Variants in ABL1 observed in about 807,000 individuals in gnomAD.
The protein encoded by ABL1 is ABL proto-oncogene 1, non-receptor tyrosine kinase.
Under a neutral mutation model 94.7 loss-of-function variants are expected in ABL1, and 11 were observed. The ratio of observed to expected loss-of-function variants is 0.12; its 90% CI spans 0.07 to 0.19. The LOEUF (loss-of-function observed/expected upper bound fraction) is 0.19, where lower values mean the gene tolerates loss of function less well. ABL1 is among the 10% of genes least tolerant of loss of function. ABL1 has a pLI of 1.00. For synonymous variants in ABL1, 656 were observed against 622.4 expected, an observed-to-expected ratio of 1.05 and a Z score of -0.80; for missense variants, 1,082 against 1,489.4, an observed-to-expected ratio of 0.73 and a Z score of 4.50.
chr9:130,843,873 A>C (rs2132933963), intron 1 of ABL1, among the ~76,000 whole-genome samples: 1 of 152,262 alleles, frequency 6.6e-6, no homozygotes, highest in East Asian at 1.9e-4. Context: ...TCCCAGTCTC[A>C]ACCCTGAAGA....
In ABL1 at chr9:130,760,467, G is replaced by C. The variant is rs112767044; in HGVS notation, c.136+46012G>C. Among the ~76,000 whole-genome samples, 5 of 152,186 alleles carry C rather than the reference G, an allele frequency of 3.3e-5. 1 individual carries two copies. Among genetic ancestry groups the C allele is most frequent in the African/African-American group, 1.2e-4 (5 of 41,494 alleles). On this transcript the variant is annotated intron_variant, in intron 1 of 10. Transcript: ENST00000372348. ...CCTTCCAAGTCTTACAGATGTCAAG[G>C]GTTTTTGAAAGTAGGATGTATTCTG...
At chr9:130,836,918 A>T (rs912813632) in intron 1 of ABL1, among the ~76,000 whole-genome samples, 2 of 151,700 alleles carry the variant, frequency 1.3e-5, no homozygotes, top group Admixed American at 6.6e-5. Context: ...TTTTCTTTTT[A>T]AAAAAGCAGG....
At chr9:130,855,294 T>C (rs1830956175) in intron 3 of ABL1, among the ~76,000 whole-genome samples, 198 bp downstream of exon 3, 1 of 152,228 alleles carries the variant, frequency 6.6e-6, no homozygotes, top group African/African-American at 2.4e-5. Context: ...TTCCTGGGAC[T>C]GGTATGATTC....
intron 1 of ABL1, among the ~76,000 whole-genome samples, chr9:130,765,001 T>A (rs35204214): frequency 0.02 from 3,113 of 151,966 alleles, 111 homozygotes; most frequent in African/African-American, 0.072. Flanking sequence ...GAATTTGTAG[T>A]GTGCTGATTA....
chr9:130,796,942 G>T (rs1453492620), intron 1 of ABL1, among the ~76,000 whole-genome samples: 2 of 113,814 alleles, frequency 1.8e-5, no homozygotes, highest in African/African-American at 4.2e-5. Flanking sequence ...AAAAAAAAAA[G>T]GCACTTTTTT....
rs757245158 is a variant in ABL1 at position 130,855,066 on chromosome 9, T to C, written c.519T>C (p.His173=). ...ISLRYEGRVY[H]YRINTASDGK... ...TGAGATACGAAGGGAGGGTGTACCA[T>C]TACAGGATCAACACTGCTTCTGATG... is the stretch of plus-strand genomic sequence containing the variant. Residue 173 remains histidine (H), a synonymous_variant, in exon 3 of 11, where the codon CAT becomes CAC. Transcript: ENST00000318560. The C allele has an allele frequency of 1.2e-6, 2 of 1,614,104 alleles. No individual in the cohort carries two copies. Among genetic ancestry groups the C allele is most frequent in the Non-Finnish European group, 1.7e-6 (2 of 1,180,024 alleles).
chr9:130,717,469 C>T (rs1264344602), intron 1 of ABL1, among the ~76,000 whole-genome samples: 6 of 151,446 alleles, frequency 4.0e-5, no homozygotes, highest in Admixed American at 6.6e-5. Context: ...TTTGGGAGGC[C>T]GAGGCAGGTG....
At chr9:130,846,077 ATGTC>A (rs1454287586) in intron 1 of ABL1, among the ~76,000 whole-genome samples, 1 of 124,714 alleles carries the variant, frequency 8.0e-6, no homozygotes, top group Non-Finnish European at 1.7e-5. Flanking sequence ...AGTTAAACGT[ATGTC>A]TGTGTGTGTG....
At chr9:130,851,299 T>A (rs1830858805) in intron 1 of ABL1, among the ~76,000 whole-genome samples, 1 of 152,204 alleles carries the variant, frequency 6.6e-6, no homozygotes, top group Non-Finnish European at 1.5e-5. Context: ...ATGTCAGTAT[T>A]GCAAGATCCT....
intron 1 of ABL1, among the ~76,000 whole-genome samples, chr9:130,791,007 T>C (rs1829902064): frequency 6.6e-6 from 1 of 151,972 alleles, no homozygotes; most frequent in African/African-American, 2.4e-5. Flanking sequence ...GTTCTAAGGG[T>C]GGTAATGAGA....
chr9:130,758,797 A>G lies in ABL1; in HGVS notation c.136+44342A>G, dbSNP rs868312445. On this transcript the variant is annotated intron_variant, in intron 1 of 10. Coordinates refer to the ABL1 transcript ENST00000372348. ...GCAGTTGGGTGTTGTCATGGAGAAG[A>G]ATTGGGCCCTTCCTGTTGACCAGTG... 2.6e-5 allele frequency among the ~76,000 whole-genome samples: 4 copies of G among 152,230 alleles called. No homozygotes were observed. In the South Asian group the frequency reaches 8.3e-4, roughly 32 times the overall value.
At chr9:130,823,550 C>T (rs1022224611) in intron 1 of ABL1, among the ~76,000 whole-genome samples, 2 of 152,266 alleles carry the variant, frequency 1.3e-5, no homozygotes, top group African/African-American at 4.8e-5. Flanking sequence ...CACCTCCTGT[C>T]CCTTACTCTG....
intron 1 of ABL1, among the ~76,000 whole-genome samples, chr9:130,757,475 C>T (rs530829183): frequency 2.2e-4 from 34 of 151,622 alleles, no homozygotes; most frequent in African/African-American, 8.0e-4. Context: ...GGTGGGAGGA[C>T]CGCTTGGGCC....
At chr9:130,776,904 T>C (rs1020509757) in intron 1 of ABL1, among the ~76,000 whole-genome samples, 1 of 152,196 alleles carries the variant, frequency 6.6e-6, no homozygotes. Context: ...TTTACTCTTA[T>C]TAATTTAATG....
At chr9:130,772,085 G>T (rs1832260293) in intron 1 of ABL1, among the ~76,000 whole-genome samples, 1 of 152,052 alleles carries the variant, frequency 6.6e-6, no homozygotes, top group Non-Finnish European at 1.5e-5. Context: ...ATGCTTCCTG[G>T]TAACTGCCTT....
chr9:130,773,460 T>A (rs1832276826), intron 1 of ABL1, among the ~76,000 whole-genome samples: 2 of 152,176 alleles, frequency 1.3e-5, no homozygotes, highest in East Asian at 3.9e-4. Flanking sequence ...ATGTTTTGTT[T>A]TTGTTGCTAT....
At position 130,863,390 on chromosome 9, in the gene ABL1, A is replaced by T. The variant is rs1160284622; in HGVS notation, c.822+355A>T. On this transcript the variant is annotated intron_variant, in intron 4 of 10. Coordinates refer to ENST00000318560, the MANE Select transcript of ABL1 (RefSeq NM_005157.6). This position sits in a 1 kb window ranked among gnomAD's most constrained non-coding sequence, Gnocchi z 4.3. ...GATCACTTCCTACCGAGAGTTAAGG[A>T]GGAAAAAAAGATCTCTGAGTTTTGA... Among the ~76,000 whole-genome samples, 8 of 152,054 alleles carry T rather than the reference A, an allele frequency of 5.3e-5. No individual in the cohort carries two copies. The South Asian group carries it at 1.5e-3, about 28-fold the overall frequency.
chr9:130,831,479 T>G (rs1588256866), upstream of ABL1, among the ~76,000 whole-genome samples: 1 of 152,376 alleles, frequency 6.6e-6, no homozygotes, highest in East Asian at 1.9e-4. Context: ...TAACTTGTTC[T>G]AGAACTATGC....
rs1192565382 is a variant in ABL1 at position 130,884,389 on chromosome 9, C to T, written c.2099C>T (p.Thr700Ile). Residue 700 changes from threonine to isoleucine, a missense_variant, in exon 11 of 11, where the codon ACC (threonine) becomes ATC (isoleucine). Thr to Ile is a moderately conservative substitution (Grantham distance 89). This residue lies in a region of ABL1 where 780 missense variants were observed against 835.8 expected (regional missense o/e 0.93). Transcript: ENST00000318560. This position sits in a 1 kb window ranked among gnomAD's most constrained non-coding sequence, Gnocchi z 5.6. ...SSTLTSSRLATGEEEGGGSSS... is the reference protein window; with the variant it reads ...SSTLTSSRLAIGEEEGGGSSS... ...ACGCTGACCAGCAGCCGCCTAGCCA[C>T]CGGCGAGGAGGAGGGCGGTGGCAGC... The T allele has an allele frequency of 2.5e-6, 4 of 1,612,042 alleles. No individual in the cohort carries two copies. The highest frequency in any genetic ancestry group is 1.7e-5 in the Admixed American group (1 of 59,960).
Sources: gnomAD v4.1 joint callset for allele counts (sites outside exome capture counted in the v4.1 genomes callset) on GRCh38, gnomAD v4.1.1 for gene constraint, gnomAD v4.1.1 regional missense constraint, Gnocchi (gnomAD v3.1) non-coding constraint, MANE v1.5 for transcripts, NCBI Gene and HGNC (gene_info 2026-07-23, HGNC 2026-07-21) for gene names.